The following TRIM41 variants were observed in gnomAD, a reference collection of about 807,000 sequenced individuals.
TRIM41 encodes the protein E3 ubiquitin-protein ligase TRIM41.
TRIM41 carries 21 observed loss-of-function variants against 60.6 expected under a neutral mutation model. That is an observed-to-expected ratio of 0.35 (90% CI 0.25 to 0.50). TRIM41 has a LOEUF of 0.50. TRIM41 is among the 20% of genes least tolerant of loss of function. TRIM41 has a pLI of 0.98. For missense variants in TRIM41, 846 were observed against 868.3 expected, an observed-to-expected ratio of 0.97 and a Z score of 0.32; for synonymous variants, 407 against 344.9, an observed-to-expected ratio of 1.18 and a Z score of -2.00.
rs761410434 is a variant in TRIM41, at chr5:181,234,965, C to T, written c.*190C>T. On this transcript the variant is annotated 3_prime_UTR_variant, in exon 6 of 6. Coordinates refer to ENST00000315073, the MANE Select transcript of TRIM41 (RefSeq NM_033549.5). The surrounding 1 kb of genome is among the most constrained non-coding windows in gnomAD (Gnocchi z 5.6). ...AGAACCCTCCTGGCCTCCAGCTCAG[C>T]CTTCTCTCACCTACTATGTCTGTCC... 6.2e-7 allele frequency: 1 copy of T among 1,614,110 alleles called. No homozygotes were observed. Among genetic ancestry groups the T allele is most frequent in the South Asian group, 1.1e-5 (1 of 91,080 alleles).
Position 181,234,419 on chromosome 5 carries a change from G to T in TRIM41, c.1537G>T (p.Val513Leu). The change falls in exon 6 of 6, where the codon GTG (valine) becomes TTG (leucine). Residue 513 changes from valine to leucine, a missense_variant. Physicochemically the swap from Val to Leu is conservative, Grantham distance 32 (BLOSUM62 1). Coordinates refer to ENST00000315073, the MANE Select transcript of TRIM41 (RefSeq NM_033549.5). This position sits in a 1 kb window ranked among gnomAD's most constrained non-coding sequence, Gnocchi z 5.6. ...ARESTHHKEK[V>L]GPGGSSVGSG... The stretch of plus-strand genomic sequence containing the variant: ...TGAATCAACCCATCATAAGGAAAAG[G>T]TGGGCCCTGGGGGTTCCTCCGTGGG... The T allele has an allele frequency of 6.3e-7, 1 of 1,584,184 alleles. No homozygotes were observed. The highest frequency in any genetic ancestry group is 8.6e-7 in the Non-Finnish European group (1 of 1,165,724).
chr5:181,225,712 T>C (rs1316042764), intron 1 of TRIM41: 2 of 152,272 alleles, frequency 1.3e-5, no homozygotes, highest in Non-Finnish European at 2.9e-5. Flanking sequence ...GTTTGACTTT[T>C]CTGATGTGAC....
rs60815823 is a variant in TRIM41, at chr5:181,230,496, CAAAAAAA to C, written c.814-224_814-218del. The C allele has an allele frequency of 7.6e-3, 332 of 43,674 alleles. 1 individual carries two copies. Among genetic ancestry groups the C allele is most frequent in the African/African-American group, 0.025 (237 of 9,444 alleles). The allele number at this position is 43,674 out of a possible 1,614,324, so 2.7% of individuals were successfully genotyped here. A position where few individuals can be genotyped will look rare whatever the true frequency, so the allele number is the denominator to read the frequency against. On this transcript the variant is annotated intron_variant, in intron 1 of 5. Transcript: ENST00000315073. ...TGAGCGACAGAGCGAGACTCTGTCT[CAAAAAAA>C]AAAAAAAAAAAAAAAAAAAAAAATA...
chr5:181,224,425 G>T lies in TRIM41; in HGVS notation c.426G>T (p.Glu142Asp). 1 of 1,613,286 alleles carries T rather than the reference G, an allele frequency of 6.2e-7. No individual in the cohort carries two copies. The highest frequency in any genetic ancestry group is 8.5e-7 in the Non-Finnish European group (1 of 1,179,604). The change falls in exon 1 of 6, where the codon GAG (glutamate) becomes GAT (aspartate). Residue 142 changes from glutamate (E) to aspartate (D), a missense_variant. Coordinates refer to ENST00000315073, the MANE Select transcript of TRIM41 (RefSeq NM_033549.5). ...ACTACTACTTGGGGGACATGGAGGA[G>T]GAGGACCTGAGGGGGGAGGATGAGG... ...DLDYYLGDME[E>D]EDLRGEDEED...
At position 181,232,695 on chromosome 5, in the gene TRIM41, G is replaced by T; in HGVS notation, c.946G>T (p.Glu316Ter). ...MKSELAAVAS[E>*]FGRLTRFLAE... ...GTCAGAGCTGGCAGCGGTGGCCTCG[G>T]AGTTTGGGCGACTGACACGGTTTCT... The change falls in exon 3 of 6, where the codon GAG becomes TAG. Residue 316 changes from glutamate (E) to a stop codon, truncating the protein, a stop_gained. Transcript: ENST00000315073. LOFTEE classifies it high-confidence loss of function. The T allele has an allele frequency of 6.2e-7, 1 of 1,614,114 alleles. No individual in the cohort carries two copies. The highest frequency in any genetic ancestry group is 8.5e-7 in the Non-Finnish European group (1 of 1,180,024).
In TRIM41 at chr5:181,223,916, G is replaced by A; in HGVS notation, c.-84G>A. ...GTGGAGGGGCAGGGCTGGGGGTGGA[G>A]CCGGGTCGCCAGGGCGTCGGTAGGG... On this transcript the variant is annotated 5_prime_UTR_variant, in exon 1 of 6. Coordinates refer to ENST00000315073, the MANE Select transcript of TRIM41 (RefSeq NM_033549.5). 1.4e-6 allele frequency: 2 copies of A among 1,442,428 alleles called. No homozygotes were observed. Among genetic ancestry groups the A allele is most frequent in the Non-Finnish European group, 1.9e-6 (2 of 1,067,692 alleles). The allele number at this position is 1,442,428 out of a possible 1,614,324, so 89.4% of individuals were successfully genotyped here.
Position 181,235,237 on chromosome 5 carries a change from G to A in TRIM41, c.*462G>A. On this transcript the variant is annotated 3_prime_UTR_variant, in exon 6 of 6. Coordinates refer to ENST00000315073, the MANE Select transcript of TRIM41 (RefSeq NM_033549.5). Reference sequence around the variant, plus strand: ...GATGCAGATTTTAGCTGAGGGATTTGGAAGCCATTTGGGGAGGCAGGCTGG... The same window carrying A: ...GATGCAGATTTTAGCTGAGGGATTTAGAAGCCATTTGGGGAGGCAGGCTGG... 1 of 1,591,410 alleles carries A rather than the reference G, an allele frequency of 6.3e-7. No individual in the cohort carries two copies. Among genetic ancestry groups the A allele is most frequent in the Non-Finnish European group, 8.6e-7 (1 of 1,166,564 alleles).
rs147321649 is a variant in TRIM41, at chr5:181,223,685, A to G, written c.-315A>G. On this transcript the variant is annotated 5_prime_UTR_variant, in exon 1 of 6. Coordinates refer to ENST00000315073, the MANE Select transcript of TRIM41 (RefSeq NM_033549.5). ...GAGGCCGGAAGCTAGGGGCGGGGCC[A>G]GGAAGTGAGGAGGGGCGGGGGTTTA... 0.019 allele frequency: 9,358 copies of G among 480,620 alleles called. 136 individuals are homozygous for G. The highest frequency in any genetic ancestry group is 0.025 in the Non-Finnish European group (6,786 of 272,542). 29.8% of individuals were successfully genotyped at this position (480,620 alleles called of 1,614,324 possible). A position where few individuals can be genotyped will look rare whatever the true frequency, so the allele number is the denominator to read the frequency against.
chr5:181,233,684 G>A lies in TRIM41; in HGVS notation c.1212G>A (p.Pro404=), dbSNP rs142045300. The change falls in exon 5 of 6, where the codon CCG becomes CCA. Residue 404 remains proline (P), a synonymous_variant. Transcript: ENST00000315073. This position sits in a 1 kb window ranked among gnomAD's most constrained non-coding sequence, Gnocchi z 4.1. ...LQPPEVWSPD[P]CQPHSHDFLT... is the part of the protein sequence containing the mutation. ...CCCCAGAGGTCTGGTCCCCTGACCC[G>A]TGCCAACCCCATAGCCATGACTTCC... 4.5e-5 allele frequency: 72 copies of A among 1,614,146 alleles called. 3 individuals carry two copies. The Middle Eastern group carries it at 1.5e-3, about 33-fold the overall frequency.
chr5:181,233,390 CT>C lies in TRIM41; in HGVS notation c.1141-18del, dbSNP rs1561673468. 1 of 1,612,962 alleles carries C rather than the reference CT, an allele frequency of 6.2e-7. No homozygotes were observed. Among genetic ancestry groups the C allele is most frequent in the South Asian group, 1.1e-5 (1 of 91,054 alleles). On this transcript the variant is annotated intron_variant, in intron 3 of 5. Coordinates refer to ENST00000315073, the MANE Select transcript of TRIM41 (RefSeq NM_033549.5). The surrounding 1 kb of genome is among the most constrained non-coding windows in gnomAD (Gnocchi z 4.1). ...TCTTTATCTCTTTCTCCCTCTCCCT[CT>C]TTTTGTTTCTCTTATTCCCAGGACA...
rs1242210209 is a variant in TRIM41, at chr5:181,233,786, C to G, written c.1291+23C>G. 5.0e-6 allele frequency: 8 copies of G among 1,614,178 alleles called. No homozygotes were observed. The highest frequency in any genetic ancestry group is 6.8e-6 in the Non-Finnish European group (8 of 1,180,008). On this transcript the variant is annotated intron_variant, in intron 5 of 5. Transcript: ENST00000315073. The surrounding 1 kb of genome is among the most constrained non-coding windows in gnomAD (Gnocchi z 4.1). ...GAGGTAGGGAGGTCACCTCCACGAC[C>G]TTCCTTTGCCTTTCCCTTCACAGAC...
rs558297827 is a variant in TRIM41 at position 181,232,968 on chromosome 5, C to T, written c.1140+79C>T. 1.3e-4 allele frequency: 189 copies of T among 1,402,052 alleles called. 5 individuals are homozygous for T. In the South Asian group the frequency reaches 2.1e-3, roughly 16 times the overall value. The allele number at this position is 1,402,052 out of a possible 1,614,324, so 86.9% of individuals were successfully genotyped here. On this transcript the variant is annotated intron_variant, in intron 3 of 5. Transcript: ENST00000315073. ...GTGCTTACCAAACGCCTGTCCAGAG[C>T]TGCCTCTTTTCTCCCTGGGAGGAAC...
In TRIM41 at chr5:181,235,396, T is replaced by G; in HGVS notation, c.*621T>G. ...TTCACTTGAGAGAGATCTGGAATGG[T>G]CGCCATGATTGAAACCACGCACCAT... On this transcript the variant is annotated 3_prime_UTR_variant, in exon 6 of 6. Transcript: ENST00000315073. 1 of 1,614,196 alleles carries G rather than the reference T, an allele frequency of 6.2e-7. No individual in the cohort carries two copies. Among genetic ancestry groups the G allele is most frequent in the Non-Finnish European group, 8.5e-7 (1 of 1,180,028 alleles).
chr5:181,232,431 G>A (rs925134429), intron 2 of TRIM41: 2 of 537,554 alleles, frequency 3.7e-6, no homozygotes, highest in African/African-American at 1.9e-5. Context: ...AGAGTCAGGT[G>A]GAGAGGAGTG....
rs1758970622 is a variant in TRIM41, at chr5:181,234,414, A to T, written c.1532A>T (p.Glu511Val). ...GCCCGTGAATCAACCCATCATAAGG[A>T]AAAGGTGGGCCCTGGGGGTTCCTCC... ...GAARESTHHK[E>V]KVGPGGSSVG... is the part of the protein sequence containing the mutation. Residue 511 changes from glutamate (E) to valine (V), a missense_variant, in exon 6 of 6, where the codon GAA (glutamate) becomes GTA (valine). Transcript: ENST00000315073. This position sits in a 1 kb window ranked among gnomAD's most constrained non-coding sequence, Gnocchi z 5.6. 2.5e-6 allele frequency: 4 copies of T among 1,577,224 alleles called. No individual in the cohort carries two copies. Among genetic ancestry groups the T allele is most frequent in the Non-Finnish European group, 3.4e-6 (4 of 1,162,128 alleles).
At chr5:181,227,283 A>G (rs1339591018) in intron 1 of TRIM41, 2 of 152,226 alleles carry the variant, frequency 1.3e-5, no homozygotes, top group African/African-American at 4.8e-5. Flanking sequence ...GTTTTATTGT[A>G]TAGGACTAAT....
At chr5:181,229,847 G>T (rs1035850857) in intron 1 of TRIM41, 1 of 152,186 alleles carries the variant, frequency 6.6e-6, no homozygotes, top group African/African-American at 2.4e-5. Flanking sequence ...GTGGAGAAAG[G>T]CACTCCCAGA....
chr5:181,225,515 G>A (rs979564211), intron 1 of TRIM41: 1 of 152,868 alleles, frequency 6.5e-6, no homozygotes, highest in Non-Finnish European at 1.5e-5. Flanking sequence ...GGACTGTCTC[G>A]TTAAAACCCA....
Position 181,234,734 on chromosome 5 carries a change from C to A in TRIM41, c.1852C>A (p.Arg618=), listed in dbSNP as rs765306921. 2 of 1,613,844 alleles carry A rather than the reference C, an allele frequency of 1.2e-6. No individual in the cohort carries two copies. The highest frequency in any genetic ancestry group is 1.1e-5 in the South Asian group (1 of 91,078). ...FLGERVFPFF[R]VLSKGTRIKL... ...GGGCGAGCGTGTCTTTCCTTTCTTC[C>A]GGGTGCTCTCCAAGGGCACCCGCAT... Residue 618 remains arginine (R), a synonymous_variant, in exon 6 of 6, where the codon CGG becomes AGG. Coordinates refer to ENST00000315073, the MANE Select transcript of TRIM41 (RefSeq NM_033549.5). The surrounding 1 kb of genome is among the most constrained non-coding windows in gnomAD (Gnocchi z 5.6).
Sources: gnomAD v4.1 joint callset for allele counts on GRCh38, gnomAD v4.1.1 for gene constraint, Gnocchi (gnomAD v3.1) non-coding constraint, MANE v1.5 for transcripts, NCBI Gene and HGNC (gene_info 2026-07-23, HGNC 2026-07-21) for gene names.